UNC5C: variants seen among roughly 807,000 people sequenced by gnomAD.
UNC5C encodes unc-5 netrin receptor C.
UNC5C carries 47 observed loss-of-function variants against 99.8 expected under a neutral mutation model. That is an observed-to-expected ratio of 0.47 (90% CI 0.37 to 0.60). UNC5C has a LOEUF of 0.60. Among genes scored for constraint, UNC5C ranks in the 20% least tolerant of loss-of-function variants. UNC5C has a pLI of 0.00. For missense variants in UNC5C, 1,062 were observed against 1,165.9 expected (o/e 0.91, Z 1.30); for synonymous variants, 487 against 452.2 (o/e 1.08, Z -0.98).
intron 2 of UNC5C, among the ~76,000 whole-genome samples, chr4:95,303,423 C>T (rs763071946): frequency 3.3e-5 from 5 of 152,222 alleles, no homozygotes; most frequent in Admixed American, 6.5e-5. Context: ...CGCCTGTAAT[C>T]CCAGCACTTT....
intron 7 of UNC5C, among the ~76,000 whole-genome samples, chr4:95,221,191 G>A (rs2149368751): frequency 6.6e-6 from 1 of 152,266 alleles, no homozygotes; most frequent in Middle Eastern, 3.4e-3. Context: ...TTAAGTCTCT[G>A]TTTTTAGTAT....
At chr4:95,522,722 T>G (rs904476909) in intron 1 of UNC5C, among the ~76,000 whole-genome samples, 1 of 152,206 alleles carries the variant, frequency 6.6e-6, no homozygotes. Context: ...CAGAATAATT[T>G]TTGAAATCAT....
chr4:95,445,160 T>C (rs1281048937), intron 1 of UNC5C, among the ~76,000 whole-genome samples: 2 of 152,196 alleles, frequency 1.3e-5, no homozygotes, highest in Non-Finnish European at 2.9e-5. Flanking sequence ...AGACAATTCA[T>C]ATAACAAATA....
At chr4:95,440,335 T>C (rs1033391851) in intron 1 of UNC5C, among the ~76,000 whole-genome samples, 2 of 152,188 alleles carry the variant, frequency 1.3e-5, no homozygotes, top group Non-Finnish European at 2.9e-5. Flanking sequence ...ACAACCCAGA[T>C]GAATTTAGTC....
In UNC5C at chr4:95,496,427, G is replaced by A. The variant is rs1721632698; in HGVS notation, c.124+52307C>T. ...TATAATGTATTTTAAATATATAGAA[G>A]GGAAAACAATTATAGATTGTCATTT... On this transcript the variant is annotated intron_variant, in intron 1 of 15. Transcript: ENST00000453304. Among the ~76,000 whole-genome samples the A allele has an allele frequency of 2.6e-5, 4 of 151,596 alleles. 1 individual carries two copies. The highest frequency in any genetic ancestry group is 2.6e-4 in the Admixed American group (4 of 15,168).
intron 10 of UNC5C, among the ~76,000 whole-genome samples, chr4:95,208,934 GTTGTTATTATTGTTAATA>G (rs1250823101): frequency 6.6e-6 from 1 of 152,166 alleles, no homozygotes; most frequent in Non-Finnish European, 1.5e-5. Flanking sequence ...AATGGTAGCA[GTTGTTATTATTGTTAATA>G]TTGTTGGAAG....
intron 1 of UNC5C, among the ~76,000 whole-genome samples, chr4:95,487,370 TATAA>T (rs1458623026): frequency 6.6e-6 from 1 of 151,684 alleles, no homozygotes; most frequent in Non-Finnish European, 1.5e-5. Flanking sequence ...TCTAAGGCTC[TATAA>T]ATATTTATGC....
intron 1 of UNC5C, among the ~76,000 whole-genome samples, chr4:95,363,415 A>T (rs1048462386): frequency 6.6e-6 from 1 of 152,154 alleles, no homozygotes; most frequent in African/African-American, 2.4e-5. Flanking sequence ...AAACAAGTGG[A>T]GATTTTATGA....
At chr4:95,545,772 G>GCACACACA (rs3975180) in intron 1 of UNC5C, among the ~76,000 whole-genome samples, 105 of 148,396 alleles carry the variant, frequency 7.1e-4, no homozygotes, top group African/African-American at 1.1e-3. Context: ...GCGCGCGCGC[G>GCACACACA]CACACACACA....
intron 11 of UNC5C, 77 bp downstream of exon 11, chr4:95,206,551 A>G (rs1737882554): frequency 1.9e-6 from 3 of 1,587,104 alleles, no homozygotes; most frequent in Non-Finnish European, 8.6e-7. Flanking sequence ...TTTATAAATA[A>G]AAGGCCTCCC....
At chr4:95,393,841 C>T (rs999298292) in intron 1 of UNC5C, among the ~76,000 whole-genome samples, 2 of 140,910 alleles carry the variant, frequency 1.4e-5, no homozygotes, top group African/African-American at 5.4e-5. Context: ...AATTCTTATA[C>T]AATCTACTGT....
chr4:95,312,605 A>G (rs1331981677), intron 2 of UNC5C, among the ~76,000 whole-genome samples: 2 of 152,176 alleles, frequency 1.3e-5, no homozygotes, highest in African/African-American at 4.8e-5. Context: ...TCATATAGCC[A>G]ATAAGTACCA....
chr4:95,440,630 G>C (rs1010973579), intron 1 of UNC5C, among the ~76,000 whole-genome samples: 1 of 152,030 alleles, frequency 6.6e-6, no homozygotes, highest in Non-Finnish European at 1.5e-5. Context: ...TTAGATAGCA[G>C]TAATGGTGAT....
At chr4:95,173,920 C>A (rs1474651364) in intron 14 of UNC5C, among the ~76,000 whole-genome samples, 3 of 151,826 alleles carry the variant, frequency 2.0e-5, no homozygotes, top group East Asian at 1.9e-4. Flanking sequence ...AATTTCAGCT[C>A]CTGTTATTGG....
At chr4:95,389,184 A>C (rs1745289147) in intron 1 of UNC5C, among the ~76,000 whole-genome samples, 1 of 152,194 alleles carries the variant, frequency 6.6e-6, no homozygotes, top group Non-Finnish European at 1.5e-5. Flanking sequence ...ACATGGTTAT[A>C]CAAACCCACA....
intron 1 of UNC5C, among the ~76,000 whole-genome samples, chr4:95,444,666 G>A (rs1229052033): frequency 6.6e-6 from 1 of 152,088 alleles, no homozygotes; most frequent in African/African-American, 2.4e-5. Context: ...GAACCTGTAT[G>A]ATTGGCCAAG....
chr4:95,227,435 G>A (rs1314422184), intron 7 of UNC5C, among the ~76,000 whole-genome samples: 1 of 152,128 alleles, frequency 6.6e-6, no homozygotes, highest in African/African-American at 2.4e-5. Context: ...TTACAGGTGT[G>A]AGCCATCGCA....
intron 7 of UNC5C, 42 bp downstream of exon 7, chr4:95,242,387 T>G (rs781225258): frequency 6.2e-7 from 1 of 1,611,714 alleles, no homozygotes; most frequent in Admixed American, 1.7e-5. Flanking sequence ...TGGTTCAATC[T>G]CCAGCCCCCT....
At chr4:95,371,137 T>C (rs1257449892) in intron 1 of UNC5C, among the ~76,000 whole-genome samples, 1 of 152,142 alleles carries the variant, frequency 6.6e-6, no homozygotes, top group Non-Finnish European at 1.5e-5. Flanking sequence ...CCAAAAAACA[T>C]GGATTGAAAG....
Sources: gnomAD v4.1 joint callset for allele counts (sites outside exome capture counted in the v4.1 genomes callset) on GRCh38, gnomAD v4.1.1 for gene constraint, MANE v1.5 for transcripts, NCBI Gene and HGNC (gene_info 2026-07-23, HGNC 2026-07-21) for gene names.